The following CDK14 variants were observed in gnomAD, a reference collection of about 807,000 sequenced individuals.
CDK14 encodes the protein cyclin-dependent kinase 14.
A neutral mutation model predicts 60.7 loss-of-function variants in CDK14; 34 were observed. The ratio of observed to expected loss-of-function variants is 0.56; its 90% confidence interval spans 0.43 to 0.75. The LOEUF is 0.75. Among genes scored for constraint, CDK14 ranks in the 30% least tolerant of loss-of-function variants. The pLI, the probability that CDK14 is intolerant of heterozygous loss-of-function variation, is 0.00. For missense variants in CDK14, 482 were observed against 564.1 expected, an observed-to-expected ratio of 0.85 and a Z score of 1.47; for synonymous variants, 197 against 203.7, an observed-to-expected ratio of 0.97 and a Z score of 0.28.
intron 7 of CDK14, among the ~76,000 whole-genome samples, chr7:90,916,581 T>G (rs1459131388): frequency 1.3e-5 from 2 of 152,230 alleles, no homozygotes; most frequent in African/African-American, 4.8e-5. Context: ...TTTCAGAATC[T>G]TTCTATCATT....
chr7:90,713,664 GAATGGAGAGA>G (rs2116656636), intron 2 of CDK14, among the ~76,000 whole-genome samples: 1 of 149,062 alleles, frequency 6.7e-6, no homozygotes, highest in South Asian at 2.1e-4. Context: ...AGATAAGAGA[GAATGGAGAGA>G]AATGGAGAGA....
At chr7:90,832,071 T>G (rs1343299676) in intron 5 of CDK14, among the ~76,000 whole-genome samples, 1 of 152,150 alleles carries the variant, frequency 6.6e-6, no homozygotes, top group East Asian at 1.9e-4. Flanking sequence ...TGATCATTTT[T>G]TTCTGATTTA....
At chr7:90,857,280 A>T (rs1715860445) in intron 5 of CDK14, among the ~76,000 whole-genome samples, 1 of 152,168 alleles carries the variant, frequency 6.6e-6, no homozygotes, top group South Asian at 2.1e-4. Flanking sequence ...TCAAAGTGGG[A>T]TGCCAAGGTT....
In CDK14 at chr7:90,744,842, G is replaced by GA. The variant is rs1214536332; in HGVS notation, c.370-2839_370-2838insA. On this transcript the variant is annotated intron_variant, in intron 3 of 14. Transcript: ENST00000380050. ...TGACGCCCCCACCTCCCTCCCGGAC[G>GA]GGGGCTGACCCCCCCACCTCCCTCC... 1.5e-3 allele frequency among the ~76,000 whole-genome samples: 5 copies of GA among 3,368 alleles called. 1 individual carries two copies. The highest frequency in any genetic ancestry group is 3.3e-3 in the African/African-American group (3 of 904). The allele number at this position is 3,368 out of a possible 152,430, so 2.2% of individuals were successfully genotyped here. A position where few individuals can be genotyped will look rare whatever the true frequency, so the allele number is the denominator to read the frequency against.
chr7:91,029,340 T>C (rs1013185854), intron 10 of CDK14, among the ~76,000 whole-genome samples: 17 of 152,182 alleles, frequency 1.1e-4, no homozygotes, highest in African/African-American at 3.9e-4. Flanking sequence ...GATTATTTTT[T>C]CTAATTCTAT....
rs368283869 is a variant in CDK14 at position 90,738,523 on chromosome 7, G to A, written c.370-9158G>A. Among the ~76,000 whole-genome samples the A allele has an allele frequency of 7.9e-5, 12 of 152,250 alleles. No homozygotes were observed. In the East Asian group the frequency reaches 1.3e-3, roughly 17 times the overall value. ...TTCCCCTCCGCTGGCCCAGATAATT[G>A]ACGGTTCTCTATACTTTTATTCAGT... is the stretch of plus-strand genomic sequence containing the variant. On this transcript the variant is annotated intron_variant, in intron 3 of 14. Transcript: ENST00000380050.
chr7:90,629,256 A>G (rs1799942269), intron 2 of CDK14, among the ~76,000 whole-genome samples: 1 of 152,188 alleles, frequency 6.6e-6, no homozygotes, highest in South Asian at 2.1e-4. Context: ...AAACTCCTCA[A>G]GTCTGATGCC....
At chr7:90,969,982 T>G (rs866348787) in intron 9 of CDK14, among the ~76,000 whole-genome samples, 26 of 151,780 alleles carry the variant, frequency 1.7e-4, no homozygotes, top group Middle Eastern at 6.8e-3. Context: ...TTTTTTTTTT[T>G]TTGAGATGGA....
rs1027897428 is a variant in CDK14, at chr7:90,792,383, A to G, written c.544+1731A>G. ...CTTCTCTTGAATACAGTAGTATATA[A>G]AAAGGATACTACATCACTACCAACT... is the stretch of plus-strand genomic sequence containing the variant. On this transcript the variant is annotated intron_variant, in intron 5 of 14. Transcript: ENST00000380050. 6.3e-4 allele frequency among the ~76,000 whole-genome samples: 96 copies of G among 152,158 alleles called. 1 individual carries two copies. The highest frequency in any genetic ancestry group is 1.8e-4 in the Non-Finnish European group (12 of 68,014).
chr7:90,636,898 C>A (rs1013971035), intron 2 of CDK14, among the ~76,000 whole-genome samples: 23 of 151,266 alleles, frequency 1.5e-4, no homozygotes, highest in African/African-American at 5.6e-4. Flanking sequence ...TCCATTTCTT[C>A]TAGATTTTCT....
rs377176407 is a variant in CDK14, at chr7:90,816,182, A to G, written c.544+25530A>G. Among the ~76,000 whole-genome samples the G allele has an allele frequency of 5.3e-5, 8 of 152,334 alleles. No homozygotes were observed. The East Asian group carries it at 1.4e-3, about 26-fold the overall frequency. ...ATTTGGGCTGAGCCTTCAAACGTAG[A>G]TAAAATTCCTATAAACATAAATGAA... On this transcript the variant is annotated intron_variant, in intron 5 of 14. Transcript: ENST00000380050.
intron 14 of CDK14, among the ~76,000 whole-genome samples, chr7:91,186,116 C>CCCTCT (rs1802170886): frequency 9.7e-6 from 1 of 103,412 alleles, no homozygotes; most frequent in Non-Finnish European, 2.0e-5. Context: ...CCCTCCCCTC[C>CCCTCT]CCTCTCCTCT....
intron 2 of CDK14, among the ~76,000 whole-genome samples, chr7:90,635,052 G>A (rs1319883745): frequency 6.6e-6 from 1 of 152,092 alleles, no homozygotes; most frequent in Non-Finnish European, 1.5e-5. Context: ...CAGATGAGTA[G>A]GTTGTGAAAA....
intron 5 of CDK14, among the ~76,000 whole-genome samples, chr7:90,823,389 C>T (rs1254002552): frequency 6.6e-6 from 1 of 152,124 alleles, no homozygotes; most frequent in South Asian, 2.1e-4. Flanking sequence ...ATTGAATCTT[C>T]AAAATAACTG....
At chr7:90,893,312 T>A (rs1301007147) in intron 6 of CDK14, among the ~76,000 whole-genome samples, 1 of 152,202 alleles carries the variant, frequency 6.6e-6, no homozygotes, top group Non-Finnish European at 1.5e-5. Context: ...AGAGGAGATG[T>A]TAGCCCATAG....
intron 2 of CDK14, among the ~76,000 whole-genome samples, chr7:90,637,929 C>G (rs893116450): frequency 4.0e-5 from 6 of 148,438 alleles, no homozygotes; most frequent in Non-Finnish European, 7.4e-5. Context: ...GGTTTAAAGT[C>G]TGTTTTATCA....
chr7:90,780,100 G>A (rs1255471690), intron 4 of CDK14, among the ~76,000 whole-genome samples: 2 of 152,128 alleles, frequency 1.3e-5, no homozygotes, highest in African/African-American at 4.8e-5. Flanking sequence ...GTTAGATTTA[G>A]ACTTGGTCAG....
chr7:90,790,837 C>G (rs944097285), intron 5 of CDK14, among the ~76,000 whole-genome samples, 185 bp downstream of exon 5: 7 of 152,098 alleles, frequency 4.6e-5, no homozygotes, highest in Admixed American at 4.6e-4. Flanking sequence ...TTAAATGAAA[C>G]AAGATTATCT....
intron 9 of CDK14, among the ~76,000 whole-genome samples, chr7:90,973,608 G>C (rs1312395522): frequency 2.0e-5 from 3 of 152,102 alleles, no homozygotes; most frequent in African/African-American, 7.2e-5. Context: ...CTAAGTGTTG[G>C]CTGATCTGAG....
Sources: gnomAD v4.1 joint callset for allele counts (sites outside exome capture counted in the v4.1 genomes callset) on GRCh38, gnomAD v4.1.1 for gene constraint, MANE v1.5 for transcripts, NCBI Gene and HGNC (gene_info 2026-07-23, HGNC 2026-07-21) for gene names.